PBX3: variants seen among roughly 807,000 people sequenced by gnomAD.
PBX3 encodes the protein PBX homeobox 3, also known as pre-B-cell leukemia transcription factor 3.
In PBX3, 14 loss-of-function variants were observed where a neutral mutation model predicts 48.5. The observed-to-expected ratio is 0.29, with a 90% CI of 0.19 to 0.45. The LOEUF is 0.45. Ranked by LOEUF, PBX3 falls within the 20% of genes least tolerant of loss-of-function variation. PBX3 has a pLI of 1.00. For missense variants in PBX3, 386 were observed against 546.7 expected (o/e 0.71, Z 2.93); for synonymous variants, 210 against 200.3 (o/e 1.05, Z -0.41).
chr9:125,926,681 A>C (rs1392359803), intron 3 of PBX3, among the ~76,000 whole-genome samples: 1 of 150,580 alleles, frequency 6.6e-6, no homozygotes, highest in Non-Finnish European at 1.5e-5. Context: ...TTACCCGGGC[A>C]TGGTGGCACA....
At chr9:125,748,334 C>T (rs561441648) in intron 1 of PBX3, 7 of 1,249,718 alleles carry the variant, frequency 5.6e-6, no homozygotes, top group Admixed American at 6.8e-5. Flanking sequence ...GCCTGCCGGG[C>T]AGATGGGTCC....
intron 2 of PBX3, chr9:125,748,883 G>T: frequency 3.0e-6 from 1 of 333,156 alleles, no homozygotes; most frequent in Non-Finnish European, 5.6e-6. Flanking sequence ...GCTGCAGGCG[G>T]GGAGGGGGCC....
At chr9:125,937,941 A>G (rs111554265) in intron 5 of PBX3, among the ~76,000 whole-genome samples, 5 of 152,328 alleles carry the variant, frequency 3.3e-5, no homozygotes, top group African/African-American at 1.2e-4. Context: ...GATTACAGGC[A>G]TGAACCACTA....
intron 3 of PBX3, among the ~76,000 whole-genome samples, chr9:125,924,891 A>G (rs1428619324): frequency 6.6e-6 from 1 of 152,202 alleles, no homozygotes; most frequent in Non-Finnish European, 1.5e-5. Context: ...CTGAGAGAAC[A>G]TCTGCCAAAT....
In PBX3 at chr9:125,967,173, GC is replaced by G. The variant is rs1198739886; in HGVS notation, c.*1255del. The G allele has an allele frequency of 7.2e-5, 11 of 152,200 alleles. No homozygotes were observed. The highest frequency in any genetic ancestry group is 2.7e-4 in the African/African-American group (11 of 41,276). 9.4% of individuals were successfully genotyped at this position (152,200 alleles called of 1,614,324 possible). ...TGTATATTTCACCCTGTGTAATGGG[GC>G]CCCCTCTCCTTTCTCTCTTTTTGTA... On this transcript the variant is annotated 3_prime_UTR_variant, in exon 9 of 9. Transcript: ENST00000373489.
chr9:125,851,921 C>T (rs1839593860), intron 2 of PBX3, among the ~76,000 whole-genome samples: 1 of 144,882 alleles, frequency 6.9e-6, no homozygotes, highest in South Asian at 2.1e-4. Flanking sequence ...ATTTTATTAG[C>T]CTCCCTTAGA....
chr9:125,913,668 C>T (rs1366507194), intron 2 of PBX3, among the ~76,000 whole-genome samples: 1 of 152,034 alleles, frequency 6.6e-6, no homozygotes, highest in Non-Finnish European at 1.5e-5. Flanking sequence ...AGTTAATCTG[C>T]TATTAAAGTA....
intron 2 of PBX3, among the ~76,000 whole-genome samples, chr9:125,909,495 G>C (rs1371548816): frequency 6.6e-6 from 1 of 152,110 alleles, no homozygotes. Flanking sequence ...TGTTTAGCTT[G>C]AATCATTATT....
chr9:125,960,879 G>A (rs1362622950), intron 6 of PBX3, 30 bp downstream of exon 6: 3 of 1,604,646 alleles, frequency 1.9e-6, no homozygotes, highest in Non-Finnish European at 2.6e-6. Flanking sequence ...TCCCCAACTG[G>A]CCCAGGCAGC....
chr9:125,760,775 A>G (rs990000577), intron 2 of PBX3, among the ~76,000 whole-genome samples: 5 of 152,226 alleles, frequency 3.3e-5, no homozygotes, highest in African/African-American at 1.2e-4. Flanking sequence ...AGTACACTGA[A>G]TATGAAGTTA....
chr9:125,842,327 C>T (rs1479870950), intron 2 of PBX3, among the ~76,000 whole-genome samples: 1 of 152,156 alleles, frequency 6.6e-6, no homozygotes, highest in East Asian at 1.9e-4. Flanking sequence ...TCCATTCTGG[C>T]TCTGACACTC....
At chr9:125,861,681 T>C (rs1048307955) in intron 2 of PBX3, among the ~76,000 whole-genome samples, 11 of 152,224 alleles carry the variant, frequency 7.2e-5, no homozygotes, top group Admixed American at 2.0e-4. Context: ...TGTATGAACC[T>C]TGCCAACATT....
At chr9:125,903,912 G>A (rs1841010114) in intron 2 of PBX3, among the ~76,000 whole-genome samples, 1 of 151,766 alleles carries the variant, frequency 6.6e-6, no homozygotes, top group African/African-American at 2.4e-5. Flanking sequence ...GTGACTATGA[G>A]CAATGGATCT....
At chr9:125,914,690 T>G (rs1403321044) in intron 2 of PBX3, among the ~76,000 whole-genome samples, 1 of 152,234 alleles carries the variant, frequency 6.6e-6, no homozygotes, top group African/African-American at 2.4e-5. Context: ...GTAACTAGTG[T>G]AGGGAACCTG....
intron 2 of PBX3, among the ~76,000 whole-genome samples, chr9:125,844,272 TG>T (rs1310615724): frequency 1.3e-5 from 2 of 151,192 alleles, no homozygotes; most frequent in African/African-American, 4.9e-5. Context: ...CATAAGTGAC[TG>T]TTTAACAGAA....
chr9:125,899,353 TTATATAAA>T (rs1395314664), intron 2 of PBX3, among the ~76,000 whole-genome samples: 5 of 92,514 alleles, frequency 5.4e-5, no homozygotes, highest in Admixed American at 1.3e-4. Context: ...GTATATATTT[TTATATAAA>T]TATATACATA....
intron 3 of PBX3, among the ~76,000 whole-genome samples, chr9:125,921,249 C>T (rs1346620450): frequency 6.6e-6 from 1 of 151,998 alleles, no homozygotes; most frequent in Non-Finnish European, 1.5e-5. Flanking sequence ...AGTTTATTGG[C>T]TCTATGTACC....
At chr9:125,857,169 T>C (rs182911218) in intron 2 of PBX3, among the ~76,000 whole-genome samples, 53 of 152,322 alleles carry the variant, frequency 3.5e-4, no homozygotes, top group Non-Finnish European at 2.1e-4. Flanking sequence ...TTGGCACTTA[T>C]TGTTTATAGA....
At chr9:125,778,314 A>G (rs1837133380) in intron 2 of PBX3, among the ~76,000 whole-genome samples, 1 of 149,472 alleles carries the variant, frequency 6.7e-6, no homozygotes, top group Admixed American at 6.7e-5. Flanking sequence ...GCTGGAGTGC[A>G]GTGGCATGAT....
Sources: gnomAD v4.1 joint callset for allele counts (sites outside exome capture counted in the v4.1 genomes callset) on GRCh38, gnomAD v4.1.1 for gene constraint, MANE v1.5 for transcripts, NCBI Gene and HGNC (gene_info 2026-07-23, HGNC 2026-07-21) for gene names.